Variants in TECTA observed in about 807,000 individuals in gnomAD.
TECTA encodes the protein alpha-tectorin.
TECTA carries 128 observed loss-of-function variants against 216.8 expected under a neutral mutation model. The ratio of observed to expected loss-of-function variants is 0.59; its 90% CI spans 0.51 to 0.68. The LOEUF (loss-of-function observed/expected upper bound fraction) is 0.68. Ranked by LOEUF, TECTA falls within the 30% of genes least tolerant of loss-of-function variation. TECTA has a pLI of 0.00. For missense variants in TECTA, 2,551 were observed against 2,786.2 expected (o/e 0.92, Z 1.90); for synonymous variants, 1,089 against 1,117.1 (o/e 0.97, Z 0.50).
chr11:121,177,618 G>A (rs1031145795), intron 20 of TECTA, among the ~76,000 whole-genome samples: 6 of 152,330 alleles, frequency 3.9e-5, no homozygotes, highest in East Asian at 3.9e-4. Flanking sequence ...GCTGCTCGGG[G>A]GTCAGGGGTC....
chr11:121,179,196 T>C (rs1646915757), intron 20 of TECTA, among the ~76,000 whole-genome samples: 1 of 152,150 alleles, frequency 6.6e-6, no homozygotes. Flanking sequence ...GCACTCTTTT[T>C]TGTTGTATCT....
chr11:121,151,128 C>T lies in TECTA; in HGVS notation c.4106-1753C>T, dbSNP rs944547274. 5.3e-5 allele frequency among the ~76,000 whole-genome samples: 8 copies of T among 152,284 alleles called. No homozygotes were observed. In the East Asian group the frequency reaches 5.8e-4, roughly 11 times the overall value. ...AACTAAATAAGGAGATGGCACATATCGCATTTTAACCTTGTTTCCAAGGAT... is the reference window on the plus strand; with the variant it reads ...AACTAAATAAGGAGATGGCACATATTGCATTTTAACCTTGTTTCCAAGGAT... On this transcript the variant is annotated intron_variant, in intron 12 of 23. Coordinates refer to ENST00000392793, the MANE Select transcript of TECTA (RefSeq NM_005422.4).
intron 13 of TECTA, among the ~76,000 whole-genome samples, chr11:121,153,590 G>T (rs561320848): frequency 1.3e-5 from 2 of 152,288 alleles, no homozygotes; most frequent in South Asian, 4.1e-4. Flanking sequence ...CCATCTCCAC[G>T]TGTGCCATTT....
chr11:121,165,124 T>C (rs1484822918), intron 16 of TECTA, 149 bp from the exon 17 acceptor site: 1 of 759,570 alleles, frequency 1.3e-6, no homozygotes. Flanking sequence ...GACATTATTT[T>C]CTGGAAGGTT....
chr11:121,142,854 C>T (rs1346901989), intron 11 of TECTA, among the ~76,000 whole-genome samples: 2 of 152,158 alleles, frequency 1.3e-5, no homozygotes, highest in East Asian at 3.9e-4. Flanking sequence ...GTTGCCTTCC[C>T]TGGAATCTTG....
chr11:121,179,644 G>T (rs1013281475), intron 20 of TECTA, among the ~76,000 whole-genome samples: 3 of 151,872 alleles, frequency 2.0e-5, no homozygotes, highest in Non-Finnish European at 4.4e-5. Flanking sequence ...TCTTTACTTT[G>T]GAATTTATCT....
intron 20 of TECTA, among the ~76,000 whole-genome samples, chr11:121,177,879 A>G (rs1947184615): frequency 1.3e-5 from 2 of 152,180 alleles, no homozygotes; most frequent in African/African-American, 2.4e-5. Context: ...AGCCTGGGCA[A>G]TGGTGGGCGC....
chr11:121,113,417 A>G lies in TECTA; in HGVS notation c.625-136A>G. 6.9e-7 allele frequency: 1 copy of G among 1,441,388 alleles called. No homozygotes were observed. Among genetic ancestry groups the G allele is most frequent in the Non-Finnish European group, 9.7e-7 (1 of 1,031,282 alleles). The allele number at this position is 1,441,388 out of a possible 1,614,324, so 89.3% of individuals were successfully genotyped here. On this transcript the variant is annotated intron_variant, in intron 5 of 23. Coordinates refer to ENST00000392793, the MANE Select transcript of TECTA (RefSeq NM_005422.4). This position sits in a 1 kb window ranked among gnomAD's most constrained non-coding sequence, Gnocchi z 4.2. ...ACTAGGCAGTCCTTTCTCACCTAGA[A>G]TGCTGGCCCCAGTGACTCCAGGAAA...
intron 20 of TECTA, among the ~76,000 whole-genome samples, chr11:121,176,694 T>C (rs1320387844): frequency 1.1e-4 from 17 of 150,758 alleles, no homozygotes; most frequent in Non-Finnish European, 1.9e-4. Context: ...TGGCGTTCTC[T>C]GTATTTCCTG....
At chr11:121,161,730 T>C (rs1947002107) in intron 15 of TECTA, among the ~76,000 whole-genome samples, 1 of 151,408 alleles carries the variant, frequency 6.6e-6, no homozygotes, top group East Asian at 1.9e-4. Context: ...ATTGGTTATA[T>C]CAATACCTGT....
chr11:121,173,372 T>G lies in TECTA; in HGVS notation c.5999+4447T>G, dbSNP rs1202313007. On this transcript the variant is annotated intron_variant, in intron 20 of 23. Coordinates refer to ENST00000392793, the MANE Select transcript of TECTA (RefSeq NM_005422.4). ...ATCTTGAATTAATTTTTGTATAAGG[T>G]GTAAGGAAGGGATCCAGTTTCAGCT... Among the ~76,000 whole-genome samples the G allele has an allele frequency of 6.8e-5, 10 of 146,302 alleles. No homozygotes were observed. The East Asian group carries it at 1.8e-3, about 26-fold the overall frequency.
rs1213625087 is a variant in TECTA at position 121,128,026 on chromosome 11, C to T, written c.2049C>T (p.Val683=). The change falls in exon 9 of 24, where the codon GTC becomes GTT. Residue 683 remains valine, a synonymous_variant. Coordinates refer to ENST00000392793, the MANE Select transcript of TECTA (RefSeq NM_005422.4). ...VQCLCEEGGD[V]YCFNKTCGSG... ...GCCTGTGCGAGGAGGGCGGGGACGTCTACTGCTTCAACAAGACCTGCGGCA... is the reference window on the plus strand; with the variant it reads ...GCCTGTGCGAGGAGGGCGGGGACGTTTACTGCTTCAACAAGACCTGCGGCA... The T allele has an allele frequency of 1.2e-6, 2 of 1,613,472 alleles. No homozygotes were observed. Among genetic ancestry groups the T allele is most frequent in the Admixed American group, 3.3e-5 (2 of 60,026 alleles).
At position 121,105,867 on chromosome 11, in the gene TECTA, AT is replaced by A. The variant is rs2135050168; in HGVS notation, c.102del (p.Asn34LysfsTer8). 1 of 1,614,190 alleles carries A rather than the reference AT, an allele frequency of 6.2e-7. No individual in the cohort carries two copies. The highest frequency in any genetic ancestry group is 1.7e-5 in the Admixed American group (1 of 60,032). On this transcript the variant is annotated frameshift_variant, in exon 3 of 24. Transcript: ENST00000392793. LOFTEE classifies it high-confidence loss of function. The surrounding 1 kb of genome is among the most constrained non-coding windows in gnomAD (Gnocchi z 5.3). ...GAGCTCATGTATCCATTTTGGCAGA[AT>A]GACACCAAAACCCCTAAAGTAGATG... ...PRELMYPFWQ[N>X]DTKTPKVDDG...
chr11:121,151,859 C>T (rs1410287622), intron 12 of TECTA, among the ~76,000 whole-genome samples: 1 of 152,210 alleles, frequency 6.6e-6, no homozygotes, highest in Non-Finnish European at 1.5e-5. Flanking sequence ...GAAGTTCCCA[C>T]ATAATGGTAG....
rs777341154 is a variant in TECTA, at chr11:121,166,710, G to A, written c.5516G>A (p.Gly1839Asp). Residue 1839 changes from glycine (G) to aspartate (D), a missense_variant, in exon 18 of 24, where the codon GGC (glycine) becomes GAC (aspartate). Gly to Asp is a moderately conservative substitution (Grantham distance 94). Around this residue, in one of 3 missense-constraint regions of TECTA, gnomAD observed 2,375 missense variants for 2,563.9 expected, o/e 0.93. Transcript: ENST00000392793. The part of the protein sequence containing the change: ...GVRINDRQCT[G>D]IEGEDFISFQ... ...AGGATCAATGACAGACAGTGCACCGGCATCGAGGGGGAAGATTTTATCTCC... is the reference window on the plus strand; with the variant it reads ...AGGATCAATGACAGACAGTGCACCGACATCGAGGGGGAAGATTTTATCTCC... The A allele has an allele frequency of 1.2e-6, 2 of 1,614,054 alleles. No individual in the cohort carries two copies. Among genetic ancestry groups the A allele is most frequent in the East Asian group, 2.2e-5 (1 of 44,890 alleles).
chr11:121,160,198 G>A lies in TECTA; in HGVS notation c.4753G>A (p.Glu1585Lys). 1 of 1,614,190 alleles carries A rather than the reference G, an allele frequency of 6.2e-7. No individual in the cohort carries two copies. The highest frequency in any genetic ancestry group is 8.5e-7 in the Non-Finnish European group (1 of 1,180,050). Residue 1585 changes from glutamate to lysine, a missense_variant, in exon 15 of 24, where the codon GAG (glutamate) becomes AAG (lysine). This residue lies in a region of TECTA where 2,375 missense variants were observed against 2,563.9 expected (regional missense o/e 0.93). Coordinates refer to ENST00000392793, the MANE Select transcript of TECTA (RefSeq NM_005422.4). Reference protein sequence around the residue: ...TGLATKIYSSEGFLVIDTSPD... With the variant: ...TGLATKIYSSKGFLVIDTSPD... ...TTTGGCAACCAAAATCTACAGCAGT[G>A]AGGGGTTTCTGGTGATTGACACCAG...
intron 20 of TECTA, among the ~76,000 whole-genome samples, chr11:121,187,340 T>A (rs191119771): frequency 6.6e-6 from 1 of 152,356 alleles, no homozygotes; most frequent in East Asian, 1.9e-4. Context: ...AAAACGACTC[T>A]GCAGCTCACC....
chr11:121,134,225 G>A (rs961306721), intron 10 of TECTA, among the ~76,000 whole-genome samples: 1 of 152,060 alleles, frequency 6.6e-6, no homozygotes, highest in Non-Finnish European at 1.5e-5. Context: ...AGTGGGGAAT[G>A]TTATTAGAAA....
intron 20 of TECTA, among the ~76,000 whole-genome samples, chr11:121,172,212 A>C (rs1208817086): frequency 6.6e-6 from 1 of 151,728 alleles, no homozygotes; most frequent in Non-Finnish European, 1.5e-5. Flanking sequence ...TTATACTTTA[A>C]GTTTTAGGGT....
Sources: gnomAD v4.1 joint callset for allele counts (sites outside exome capture counted in the v4.1 genomes callset) on GRCh38, gnomAD v4.1.1 for gene constraint, gnomAD v4.1.1 regional missense constraint, Gnocchi (gnomAD v3.1) non-coding constraint, MANE v1.5 for transcripts, NCBI Gene and HGNC (gene_info 2026-07-23, HGNC 2026-07-21) for gene names.